SLC75A1: variants seen among roughly 807,000 people sequenced by gnomAD.
SLC75A1 encodes solute carrier family 75 member 1, also known as major facilitator superfamily domain containing 10.
chr4:2,933,223 G>A, the SLC75A1 span: 9 of 1,610,866 alleles, frequency 5.6e-6, no homozygotes, highest in South Asian at 6.6e-5. Flanking sequence ...AGAGACAGAT[G>A]TCACCATCAT....
At chr4:2,932,646 G>GCCGTGGAGAGGCTGA in the SLC75A1 span, 2 of 1,612,898 alleles carry the variant, frequency 1.2e-6, no homozygotes, top group Non-Finnish European at 1.7e-6. Flanking sequence ...AGCAACGATG[G>GCCGTGGAGAGGCTGA]CCGTGGAGAG....
At chr4:2,933,144 C>CA in the SLC75A1 span, 1 of 1,613,640 alleles carries the variant, frequency 6.2e-7, no homozygotes, top group Non-Finnish European at 8.5e-7. Context: ...CCCAAGCAGT[C>CA]AGAGGTGGCC....
the SLC75A1 span, chr4:2,933,833 CGAGAAA>C: frequency 6.3e-7 from 1 of 1,590,574 alleles, no homozygotes; most frequent in Non-Finnish European, 8.6e-7. Context: ...AGCAGGAGGC[CGAGAAA>C]GACAACGGTG....
chr4:2,934,009 C>G, the SLC75A1 span: 1 of 1,402,720 alleles, frequency 7.1e-7, no homozygotes, highest in Middle Eastern at 2.5e-4. Context: ...GGCATACCCC[C>G]ACACCCGACA....
At chr4:2,930,707 C>T in the SLC75A1 span, 274 of 995,150 alleles carry the variant, frequency 2.8e-4, 2 homozygotes, top group Middle Eastern at 2.9e-3. Context: ...GCCTGAGCTT[C>T]CTGCTTAGGG....
the SLC75A1 span, chr4:2,931,171 A>G: frequency 1.3e-6 from 2 of 1,557,456 alleles, no homozygotes; most frequent in Non-Finnish European, 1.7e-6. Flanking sequence ...AGGCACAGTC[A>G]GGCACCACTG....
the SLC75A1 span, chr4:2,932,058 T>G: frequency 6.2e-7 from 1 of 1,608,988 alleles, no homozygotes; most frequent in Non-Finnish European, 8.5e-7. Context: ...CTCCAGAGGG[T>G]GGGTCCTGGC....
the SLC75A1 span, chr4:2,933,695 G>C: frequency 6.2e-7 from 1 of 1,612,112 alleles, no homozygotes. Flanking sequence ...TAAGGGCTGG[G>C]GAGGTCTGAT....
At chr4:2,931,157 G>GA in the SLC75A1 span, 1 of 1,560,410 alleles carries the variant, frequency 6.4e-7, no homozygotes, top group Non-Finnish European at 8.7e-7. Flanking sequence ...GAGCCTGTGG[G>GA]AAGAGGCACA....
the SLC75A1 span, chr4:2,933,280 A>C: frequency 2.0e-4 from 289 of 1,438,248 alleles, no homozygotes; most frequent in African/African-American, 3.2e-3. Flanking sequence ...CCTCAAGGCC[A>C]ATGTCCAGCC....
the SLC75A1 span, chr4:2,930,685 T>A: frequency 1.3e-6 from 1 of 753,616 alleles, no homozygotes; most frequent in Non-Finnish European, 2.2e-6. Flanking sequence ...AGTAAGTAAG[T>A]CTGGAGGAGC....
the SLC75A1 span, chr4:2,933,798 C>A: frequency 1.3e-6 from 2 of 1,592,654 alleles, no homozygotes; most frequent in South Asian, 1.1e-5. Context: ...GCAGGGGCAG[C>A]AGCAGCGTGA....
chr4:2,933,478 AC>A, the SLC75A1 span: 1 of 1,407,006 alleles, frequency 7.1e-7, no homozygotes, highest in South Asian at 1.2e-5. Flanking sequence ...GAAGGCAAGG[AC>A]CGAGAATTGG....
At chr4:2,931,055 C>T in the SLC75A1 span, 2 of 1,607,688 alleles carry the variant, frequency 1.2e-6, no homozygotes, top group East Asian at 2.2e-5. Context: ...CATCCCGCGC[C>T]CTCACCTGAA....
chr4:2,930,697 G>A, the SLC75A1 span: 2 of 862,766 alleles, frequency 2.3e-6, no homozygotes, highest in Non-Finnish European at 3.6e-6. Flanking sequence ...TGGAGGAGCT[G>A]CCTGAGCTTC....
the SLC75A1 span, chr4:2,934,035 A>T: frequency 8.3e-7 from 1 of 1,210,140 alleles, no homozygotes; most frequent in Admixed American, 2.4e-5. Context: ...CGAGCACCCT[A>T]AAGGGGCTGA....
the SLC75A1 span, chr4:2,932,990 G>T: frequency 1.8e-6 from 2 of 1,115,066 alleles, no homozygotes; most frequent in Non-Finnish European, 1.3e-6. Context: ...TGCGATGAGG[G>T]CCAACCAGTG....
At chr4:2,930,984 C>T in the SLC75A1 span, 1 of 1,612,712 alleles carries the variant, frequency 6.2e-7, no homozygotes, top group South Asian at 1.1e-5. Flanking sequence ...CACCCAGTCC[C>T]CGAGGGGGCT....
At chr4:2,933,728 T>C in the SLC75A1 span, 1 of 1,599,320 alleles carries the variant, frequency 6.3e-7, no homozygotes, top group African/African-American at 1.4e-5. Flanking sequence ...CAGGGGGCAC[T>C]GTGGGCCGCA....
Sources: allele counts gnomAD v4.1 joint callset, GRCh38; gene constraint gnomAD v4.1.1; transcripts MANE v1.5; gene names NCBI Gene and HGNC (gene_info 2026-07-23, HGNC 2026-07-21).